Variants in PPIP5K2 observed in about 807,000 individuals in gnomAD.
PPIP5K2 encodes the protein diphosphoinositol pentakisphosphate kinase 2, also known as inositol hexakisphosphate and diphosphoinositol-pentakisphosphate kinase 2.
In PPIP5K2, 105 loss-of-function variants were observed where a neutral mutation model predicts 154.6. The ratio of observed to expected loss-of-function variants is 0.68; its 90% confidence interval spans 0.58 to 0.80. The LOEUF (loss-of-function observed/expected upper bound fraction) is 0.80, where lower values mean the gene tolerates loss of function less well. PPIP5K2 is among the 30% of genes least tolerant of loss of function. The pLI is 0.00. For synonymous variants in PPIP5K2, 480 were observed against 490.3 expected (o/e 0.98, Z 0.28); for missense variants, 992 against 1,504.6 (o/e 0.66, Z 5.64).
In PPIP5K2 at chr5:103,194,863, A is replaced by C. The variant is rs1554227927; in HGVS notation, c.3494-37A>C. ...TGATGTTAAGAGATAATTGGCAGGA[A>C]ATTATTAAATTAACATGTTTGTTTA... On this transcript the variant is annotated intron_variant, in intron 29 of 30. Coordinates refer to ENST00000358359, the MANE Select transcript of PPIP5K2 (RefSeq NM_001276277.3). 3 of 1,588,626 alleles carry C rather than the reference A, an allele frequency of 1.9e-6. No individual in the cohort carries two copies. In the Admixed American group the frequency reaches 5.3e-5, roughly 28 times the overall value.
At chr5:103,145,865 A>C (rs1164301763) in intron 5 of PPIP5K2, among the ~76,000 whole-genome samples, 1 of 152,012 alleles carries the variant, frequency 6.6e-6, no homozygotes, top group African/African-American at 2.4e-5. Context: ...TTTTGAAATA[A>C]CTAAAAGTGA....
In PPIP5K2 at chr5:103,141,852, T is replaced by C. The variant is rs554385493; in HGVS notation, c.487+3383T>C. Among the ~76,000 whole-genome samples, 41 of 152,050 alleles carry C rather than the reference T, an allele frequency of 2.7e-4. No individual in the cohort carries two copies. In the East Asian group the frequency reaches 6.8e-3, roughly 25 times the overall value. ...CAGAGAGCTAGATACAGAGTGTAGA[T>C]TGGTGCACTCACAAACCTTGAGCTA... On this transcript the variant is annotated intron_variant, in intron 5 of 30. Coordinates refer to ENST00000358359, the MANE Select transcript of PPIP5K2 (RefSeq NM_001276277.3).
intron 3 of PPIP5K2, 54 bp from the exon 4 acceptor site, chr5:103,136,678 T>A (rs1791558181): frequency 7.2e-7 from 1 of 1,387,642 alleles, no homozygotes; most frequent in Non-Finnish European, 1.0e-6. Context: ...GTTAATAAAG[T>A]ATAGATGCTT....
chr5:103,121,687 T>C (rs1788769627), intron 1 of PPIP5K2, among the ~76,000 whole-genome samples: 1 of 152,252 alleles, frequency 6.6e-6, no homozygotes, highest in African/African-American at 2.4e-5. Context: ...CAGAATACTG[T>C]ACTTACTGCA....
rs553438132 is a variant in PPIP5K2, at chr5:103,207,508, A to G, written c.*5874A>G. ...TTGCATTATGTTATTCACATTTGCT[A>G]TAGTTCACTTGTTGTGCTAATGGTT... On this transcript the variant is annotated 3_prime_UTR_variant, in exon 31 of 31. Transcript: ENST00000358359. 2 of 152,272 alleles carry G rather than the reference A, an allele frequency of 1.3e-5. No individual in the cohort carries two copies. The highest frequency in any genetic ancestry group is 4.1e-4 in the South Asian group (2 of 4,826). The allele number at this position is 152,272 out of a possible 1,614,324, so 9.4% of individuals were successfully genotyped here. A position where few individuals can be genotyped will look rare whatever the true frequency, so the allele number is the denominator to read the frequency against.
intron 3 of PPIP5K2, among the ~76,000 whole-genome samples, chr5:103,134,573 C>T (rs546904583): frequency 6.6e-6 from 1 of 152,286 alleles, no homozygotes; most frequent in South Asian, 2.1e-4. Context: ...TCAGGCTGCT[C>T]ATTTTAGAGA....
intron 13 of PPIP5K2, among the ~76,000 whole-genome samples, chr5:103,155,632 G>A (rs1339182011): frequency 1.3e-5 from 2 of 151,230 alleles, no homozygotes; most frequent in African/African-American, 2.4e-5. Flanking sequence ...CACCATGTTG[G>A]CCAGGCTGGT....
At chr5:103,174,649 G>A (rs1358272238) in intron 21 of PPIP5K2, among the ~76,000 whole-genome samples, 1 of 152,016 alleles carries the variant, frequency 6.6e-6, no homozygotes, top group Non-Finnish European at 1.5e-5. Flanking sequence ...TCCTATGAGA[G>A]CAAGGTGCAA....
rs1221082864 is a variant in PPIP5K2 at position 103,211,543 on chromosome 5, A to G, written c.*9909A>G. 6.6e-6 allele frequency: 1 copy of G among 152,130 alleles called. No individual in the cohort carries two copies. Among genetic ancestry groups the G allele is most frequent in the Non-Finnish European group, 1.5e-5 (1 of 67,970 alleles). 9.4% of individuals were successfully genotyped at this position (152,130 alleles called of 1,614,324 possible). A position where few individuals can be genotyped will look rare whatever the true frequency, so the allele number is the denominator to read the frequency against. On this transcript the variant is annotated 3_prime_UTR_variant, in exon 31 of 31. Coordinates refer to ENST00000358359, the MANE Select transcript of PPIP5K2 (RefSeq NM_001276277.3). ...AGATTCTACCTTAAAAATATCATTG[A>G]GAAAGCTCAGAGAACTCCCAGGTAA...
chr5:103,157,007 C>T (rs1044280418), intron 14 of PPIP5K2, among the ~76,000 whole-genome samples: 2 of 151,980 alleles, frequency 1.3e-5, no homozygotes, highest in East Asian at 1.9e-4. Flanking sequence ...TAGTATTTAT[C>T]ATCAAAAACA....
At chr5:103,192,178 G>C (rs1220024596) in intron 29 of PPIP5K2, among the ~76,000 whole-genome samples, 1 of 152,074 alleles carries the variant, frequency 6.6e-6, no homozygotes, top group East Asian at 1.9e-4. Flanking sequence ...ATACTGGTGA[G>C]TGTTCTAAAA....
At chr5:103,144,097 A>C (rs1041979185) in intron 5 of PPIP5K2, among the ~76,000 whole-genome samples, 2 of 152,146 alleles carry the variant, frequency 1.3e-5, no homozygotes, top group Non-Finnish European at 2.9e-5. Context: ...ATACAATATT[A>C]ACTTACAAAA....
Position 103,186,315 on chromosome 5 carries a change from A to G in PPIP5K2, c.3170-5A>G, listed in dbSNP as rs374021237. 13 of 1,613,494 alleles carry G rather than the reference A, an allele frequency of 8.1e-6. No individual in the cohort carries two copies. Among genetic ancestry groups the G allele is most frequent in the South Asian group, 1.1e-5 (1 of 91,078 alleles). ...TGTGTATGTATTTTCTCTAACTCCC[A>G]TCAGGGTCTCACTGTGCGGGCCTGT... On this transcript the variant is annotated splice_polypyrimidine_tract_variant and splice_region_variant and intron_variant, in intron 26 of 30. Transcript: ENST00000358359.
Position 103,190,997 on chromosome 5 carries a change from T to C in PPIP5K2, c.3493+15T>C. On this transcript the variant is annotated intron_variant, in intron 29 of 30. Coordinates refer to ENST00000358359, the MANE Select transcript of PPIP5K2 (RefSeq NM_001276277.3). ...CGCTGAAATTTGTAGGAAATTTTTC[T>C]TTCATTGTTATTATTTAGTTGCTGG... is the stretch of plus-strand genomic sequence containing the variant. The C allele has an allele frequency of 6.2e-7, 1 of 1,602,262 alleles. No individual in the cohort carries two copies. Among genetic ancestry groups the C allele is most frequent in the Non-Finnish European group, 8.5e-7 (1 of 1,175,380 alleles).
intron 30 of PPIP5K2, among the ~76,000 whole-genome samples, chr5:103,197,469 T>G (rs961797641): frequency 2.0e-5 from 3 of 151,972 alleles, no homozygotes; most frequent in African/African-American, 7.2e-5. Context: ...ACTTTTTTTT[T>G]GTGATCATTC....
Position 103,173,842 on chromosome 5 carries a change from C to A in PPIP5K2, c.2415-16C>A. ...TTATATGGTTATGTTTGAACACTGTCTGCTTCTAATTTTAGGTATTCTAGA... is the reference window on the plus strand; with the variant it reads ...TTATATGGTTATGTTTGAACACTGTATGCTTCTAATTTTAGGTATTCTAGA... On this transcript the variant is annotated splice_polypyrimidine_tract_variant and intron_variant, in intron 20 of 30. Coordinates refer to ENST00000358359, the MANE Select transcript of PPIP5K2 (RefSeq NM_001276277.3). 2 of 1,444,084 alleles carry A rather than the reference C, an allele frequency of 1.4e-6. No individual in the cohort carries two copies. Among genetic ancestry groups the A allele is most frequent in the South Asian group, 1.2e-5 (1 of 85,964 alleles). The allele number at this position is 1,444,084 out of a possible 1,614,324, so 89.5% of individuals were successfully genotyped here. A position where few individuals can be genotyped will look rare whatever the true frequency, so the allele number is the denominator to read the frequency against.
At chr5:103,197,400 T>A (rs1200931675) in intron 30 of PPIP5K2, among the ~76,000 whole-genome samples, 1 of 151,946 alleles carries the variant, frequency 6.6e-6, no homozygotes, top group East Asian at 1.9e-4. Flanking sequence ...TCTTTTATTA[T>A]CTTTTTAATG....
intron 9 of PPIP5K2, 46 bp downstream of exon 9, chr5:103,151,420 TC>T: frequency 7.0e-7 from 1 of 1,433,910 alleles, no homozygotes. Flanking sequence ...TACTAGTTAT[TC>T]AGAAACCAAA....
chr5:103,129,736 G>T, intron 2 of PPIP5K2, 33 bp downstream of exon 2: 3 of 1,569,730 alleles, frequency 1.9e-6, no homozygotes, highest in Non-Finnish European at 2.6e-6. Flanking sequence ...GGCGAGAGAA[G>T]ACCAATACAG....
Sources: gnomAD v4.1 joint callset for allele counts (sites outside exome capture counted in the v4.1 genomes callset) on GRCh38, gnomAD v4.1.1 for gene constraint, MANE v1.5 for transcripts, NCBI Gene and HGNC (gene_info 2026-07-23, HGNC 2026-07-21) for gene names.